Variants in PHF21B observed in about 807,000 individuals in gnomAD.
PHF21B encodes the protein PHD finger protein 21B.
PHF21B carries 22 observed loss-of-function variants against 62.2 expected under a neutral mutation model. The ratio of observed to expected loss-of-function variants is 0.35; its 90% CI spans 0.25 to 0.51. The LOEUF (loss-of-function observed/expected upper bound fraction) is 0.51, where lower values mean the gene tolerates loss of function less well. PHF21B is among the 20% of genes least tolerant of loss of function. The probability of loss-of-function intolerance (pLI) is 0.97; values close to 1 mark genes in which losing one functional copy is unlikely to be tolerated. For synonymous variants in PHF21B, 341 were observed against 314.7 expected, an observed-to-expected ratio of 1.08 and a Z score of -0.88; for missense variants, 701 against 707.9, an observed-to-expected ratio of 0.99 and a Z score of 0.11.
chr22:44,994,109 G>A (rs1199527974), intron 2 of PHF21B, among the ~76,000 whole-genome samples: 1 of 152,224 alleles, frequency 6.6e-6, no homozygotes, highest in Non-Finnish European at 1.5e-5. Flanking sequence ...TGCTGCGTCG[G>A]CCCGGGGCAT....
At chr22:45,001,628 G>A (rs1242610178) in intron 2 of PHF21B, among the ~76,000 whole-genome samples, 1 of 152,226 alleles carries the variant, frequency 6.6e-6, no homozygotes, top group Non-Finnish European at 1.5e-5. Context: ...TATAGAGTGA[G>A]ATGTCACCGT....
chr22:44,943,543 C>G (rs889493821), intron 2 of PHF21B, among the ~76,000 whole-genome samples: 1 of 152,172 alleles, frequency 6.6e-6, no homozygotes, highest in South Asian at 2.1e-4. Context: ...CGTGGGGACA[C>G]GGGCAGCTGC....
chr22:44,954,988 G>A lies in PHF21B; in HGVS notation c.121-34498C>T, dbSNP rs914034955. 6.6e-5 allele frequency among the ~76,000 whole-genome samples: 10 copies of A among 152,200 alleles called. No homozygotes were observed. The South Asian group carries it at 1.7e-3, about 25-fold the overall frequency. On this transcript the variant is annotated intron_variant, in intron 2 of 12. Coordinates refer to ENST00000313237, the MANE Select transcript of PHF21B (RefSeq NM_138415.5). ...ACAACAGGACCTCGGGGTGGCAGGC[G>A]GGGTGGAGCTTCCAGCCCAGAAGCC...
chr22:44,936,006 A>C (rs2071839243), intron 2 of PHF21B, among the ~76,000 whole-genome samples: 1 of 152,224 alleles, frequency 6.6e-6, no homozygotes, highest in African/African-American at 2.4e-5. Context: ...TTTTAGAAGG[A>C]ACAGCACTTC....
At position 44,913,937 on chromosome 22, in the gene PHF21B, T is replaced by G; in HGVS notation, c.716A>C (p.Gln239Pro). The G allele has an allele frequency of 6.2e-7, 1 of 1,609,608 alleles. No individual in the cohort carries two copies. The highest frequency in any genetic ancestry group is 8.5e-7 in the Non-Finnish European group (1 of 1,178,832). ...FQVIIIQPQVQTQPESTAESR... is the reference protein window; with the variant it reads ...FQVIIIQPQVPTQPESTAESR... ...CTCTGCCGTGCTCTCGGGCTGCGTC[T>G]GCACTTGAGGCTGAATGATGATGAC... is the stretch of plus-strand genomic sequence containing the variant. Residue 239 changes from glutamine (Q) to proline (P), a missense_variant, in exon 5 of 13, where the codon CAG (glutamine) becomes CCG (proline). Transcript: ENST00000313237.
In PHF21B at chr22:44,904,683, G is replaced by A. The variant is rs982197388; in HGVS notation, c.832-8600C>T. Among the ~76,000 whole-genome samples, 23 of 134,872 alleles carry A rather than the reference G, an allele frequency of 1.7e-4. 4 individuals carry two copies. The highest frequency in any genetic ancestry group is 6.4e-4 in the African/African-American group (23 of 35,886). The allele number at this position is 134,872 out of a possible 152,430, so 88.5% of individuals were successfully genotyped here. The stretch of plus-strand genomic sequence containing the variant: ...AGGCAGCAGAGGTCAGGGCTGGGCA[G>A]CAAGCCAATGGTGCAATGAGCAGTG... On this transcript the variant is annotated intron_variant, in intron 5 of 12. Transcript: ENST00000313237.
chr22:44,977,907 A>C (rs1601670221), intron 2 of PHF21B, among the ~76,000 whole-genome samples: 1 of 152,130 alleles, frequency 6.6e-6, no homozygotes, highest in East Asian at 1.9e-4. Context: ...AACTTTAATT[A>C]AATGAAATCA....
chr22:44,893,723 G>T (rs1206006428), intron 6 of PHF21B, among the ~76,000 whole-genome samples, 190 bp from the exon 7 acceptor site: 1 of 152,228 alleles, frequency 6.6e-6, no homozygotes, highest in East Asian at 1.9e-4. Flanking sequence ...TGGCAGGACA[G>T]CTCTGGTGGC....
chr22:44,902,351 A>G (rs2071174773), intron 5 of PHF21B: 1 of 350,368 alleles, frequency 2.9e-6, no homozygotes, highest in Non-Finnish European at 5.7e-6. Flanking sequence ...TATCAAAGCT[A>G]TTCCTCAGCT....
chr22:44,923,725 A>C (rs1216683611), intron 2 of PHF21B, among the ~76,000 whole-genome samples: 1 of 152,172 alleles, frequency 6.6e-6, no homozygotes, highest in African/African-American at 2.4e-5. Context: ...TCCACTAAAG[A>C]AGATATACTG....
At chr22:44,929,761 C>T (rs2071704063) in intron 2 of PHF21B, among the ~76,000 whole-genome samples, 1 of 152,228 alleles carries the variant, frequency 6.6e-6, no homozygotes, top group Admixed American at 6.5e-5. Context: ...AATGGTGCCA[C>T]TGCCTCTCAG....
At chr22:44,961,530 G>A (rs1235852241) in intron 2 of PHF21B, among the ~76,000 whole-genome samples, 1 of 152,018 alleles carries the variant, frequency 6.6e-6, no homozygotes, top group African/African-American at 2.4e-5. Flanking sequence ...TTCTGTTCCT[G>A]CTCTATTTGC....
chr22:45,008,825 G>C (rs1206314776), intron 1 of PHF21B: 5 of 1,182,208 alleles, frequency 4.2e-6, no homozygotes, highest in Non-Finnish European at 5.2e-6. Flanking sequence ...GGCAGCTCGC[G>C]GGGCGGGGCG....
chr22:44,956,164 A>G (rs1019288619), intron 2 of PHF21B, among the ~76,000 whole-genome samples: 2 of 152,198 alleles, frequency 1.3e-5, no homozygotes, highest in South Asian at 2.1e-4. Flanking sequence ...GCAACGTCCC[A>G]CCAGGCTGGA....
chr22:44,925,580 T>C (rs1326612970), intron 2 of PHF21B, among the ~76,000 whole-genome samples: 1 of 152,158 alleles, frequency 6.6e-6, no homozygotes, highest in Non-Finnish European at 1.5e-5. Flanking sequence ...CTTTGGACAT[T>C]TGTTAAAACA....
intron 5 of PHF21B, among the ~76,000 whole-genome samples, chr22:44,909,403 A>T (rs915590864): frequency 6.6e-6 from 1 of 152,234 alleles, no homozygotes; most frequent in African/African-American, 2.4e-5. Context: ...GTGCACCTGC[A>T]GGTGCAGACA....
chr22:44,925,984 T>G (rs1169242780), intron 2 of PHF21B, among the ~76,000 whole-genome samples: 1 of 68,724 alleles, frequency 1.5e-5, no homozygotes, highest in East Asian at 3.5e-4. Flanking sequence ...AGATTCCAGG[T>G]AACTCCACCC....
At chr22:44,929,220 C>T (rs2071692755) in intron 2 of PHF21B, among the ~76,000 whole-genome samples, 1 of 152,224 alleles carries the variant, frequency 6.6e-6, no homozygotes, top group Non-Finnish European at 1.5e-5. Context: ...TCATGTGAAA[C>T]CAGTTCATTA....
At chr22:44,990,793 T>C (rs1361588086) in intron 2 of PHF21B, among the ~76,000 whole-genome samples, 2 of 152,260 alleles carry the variant, frequency 1.3e-5, no homozygotes, top group African/African-American at 4.8e-5. Context: ...GTTGCTAAAC[T>C]GGGCACTTAA....
Sources: allele counts gnomAD v4.1 joint callset (sites outside exome capture counted in the v4.1 genomes callset), GRCh38; gene constraint gnomAD v4.1.1; transcripts MANE v1.5; gene names NCBI Gene and HGNC (gene_info 2026-07-23, HGNC 2026-07-21).